ABHD2: variants seen among roughly 807,000 people sequenced by gnomAD.
ABHD2 encodes monoacylglycerol lipase ABHD2.
A neutral mutation model predicts 48.1 loss-of-function variants in ABHD2; 20 were observed. The ratio of observed to expected loss-of-function variants is 0.42; its 90% CI spans 0.29 to 0.60. ABHD2 has a LOEUF of 0.60. Among genes scored for constraint, ABHD2 ranks in the 20% least tolerant of loss-of-function variants. The pLI, the probability that ABHD2 is intolerant of heterozygous loss-of-function variation, is 0.24. For missense variants in ABHD2, 405 were observed against 550.9 expected, an observed-to-expected ratio of 0.74 and a Z score of 2.65; for synonymous variants, 209 against 214.2, an observed-to-expected ratio of 0.98 and a Z score of 0.21.
chr15:89,098,071 G>T (rs536071858), intron 1 of ABHD2, among the ~76,000 whole-genome samples: 1 of 151,860 alleles, frequency 6.6e-6, no homozygotes, highest in Non-Finnish European at 1.5e-5. Flanking sequence ...GTAGAGATGG[G>T]GTTTCACCAT....
chr15:89,082,282 G>T, the ABHD2 span, among the ~76,000 whole-genome samples: 7 of 152,312 alleles, frequency 4.6e-5, no homozygotes, highest in South Asian at 1.2e-3. The surrounding 1 kb of genome is among the most constrained non-coding windows in gnomAD (Gnocchi z 4.4). Flanking sequence ...TATCAATGTG[G>T]TTTGCAGATG....
chr15:89,121,140 A>T (rs890596776), intron 3 of ABHD2, among the ~76,000 whole-genome samples: 9 of 152,220 alleles, frequency 5.9e-5, no homozygotes, highest in African/African-American at 1.9e-4. Flanking sequence ...TGAAATTTGA[A>T]CTAGGATGCA....
intron 5 of ABHD2, among the ~76,000 whole-genome samples, chr15:89,162,763 G>GA (rs1168388227): frequency 6.6e-6 from 1 of 152,050 alleles, no homozygotes; most frequent in Non-Finnish European, 1.5e-5. Flanking sequence ...TGAAATTAAG[G>GA]ATTTGTTTTC....
chr15:89,142,283 G>C (rs539283229), intron 3 of ABHD2, among the ~76,000 whole-genome samples: 50 of 152,314 alleles, frequency 3.3e-4, no homozygotes, highest in African/African-American at 1.0e-3. Flanking sequence ...ATGAAGTGCT[G>C]TATAGATAAA....
In ABHD2 at chr15:89,092,014, G is replaced by C. The variant is rs1371903093; in HGVS notation, c.-107+3451G>C. ...GGACATTTTTAAGCCCTGTGCTGCTGTTTCTTTGTTGATACCATACAGATG... is the reference window on the plus strand; with the variant it reads ...GGACATTTTTAAGCCCTGTGCTGCTCTTTCTTTGTTGATACCATACAGATG... On this transcript the variant is annotated intron_variant, in intron 1 of 10. Coordinates refer to ENST00000352732, the MANE Select transcript of ABHD2 (RefSeq NM_152924.5). This position sits in a 1 kb window ranked among gnomAD's most constrained non-coding sequence, Gnocchi z 4.4. Among the ~76,000 whole-genome samples, 4 of 152,176 alleles carry C rather than the reference G, an allele frequency of 2.6e-5. No individual in the cohort carries two copies. The highest frequency in any genetic ancestry group is 5.9e-5 in the Non-Finnish European group (4 of 68,036).
chr15:89,165,034 A>C (rs1409026055), intron 5 of ABHD2, among the ~76,000 whole-genome samples: 1 of 152,252 alleles, frequency 6.6e-6, no homozygotes, highest in Non-Finnish European at 1.5e-5. Flanking sequence ...CGTGTTGAGC[A>C]TAAAATTCTT....
chr15:89,174,085 G>T lies in ABHD2; in HGVS notation c.539-1727G>T, dbSNP rs1215467663. Among the ~76,000 whole-genome samples, 1 of 151,882 alleles carries T rather than the reference G, an allele frequency of 6.6e-6. No homozygotes were observed. Among genetic ancestry groups the T allele is most frequent in the Admixed American group, 6.6e-5 (1 of 15,248 alleles). On this transcript the variant is annotated intron_variant, in intron 5 of 10. Transcript: ENST00000352732. The surrounding 1 kb of genome is among the most constrained non-coding windows in gnomAD (Gnocchi z 4.1). ...TCTTCATCTGGGCAATGCTTACCTG[G>T]GTATAAATGTGTAAAATTTCATTGA... is the stretch of plus-strand genomic sequence containing the variant.
At chr15:89,143,599 G>A (rs1339046194) in intron 3 of ABHD2, among the ~76,000 whole-genome samples, 21 of 151,990 alleles carry the variant, frequency 1.4e-4, no homozygotes, top group African/African-American at 3.9e-4. Flanking sequence ...CCCAGGAGGC[G>A]GAGGTTGCAG....
Position 89,195,514 on chromosome 15 carries a change from C to T in ABHD2, c.*91C>T. The stretch of plus-strand genomic sequence containing the variant: ...TCAGGTCTCCCATCTCCCTCAGTGA[C>T]CTGGATCTGACCTCACACCATCAGC... On this transcript the variant is annotated 3_prime_UTR_variant, in exon 11 of 11. Coordinates refer to ENST00000352732, the MANE Select transcript of ABHD2 (RefSeq NM_152924.5). This position sits in a 1 kb window ranked among gnomAD's most constrained non-coding sequence, Gnocchi z 5.1. 7.1e-7 allele frequency: 1 copy of T among 1,407,382 alleles called. No homozygotes were observed. Among genetic ancestry groups the T allele is most frequent in the Non-Finnish European group, 9.6e-7 (1 of 1,046,742 alleles). The allele number at this position is 1,407,382 out of a possible 1,614,324, so 87.2% of individuals were successfully genotyped here.
chr15:89,081,599 G>A, the ABHD2 span, among the ~76,000 whole-genome samples: 1 of 152,192 alleles, frequency 6.6e-6, no homozygotes, highest in African/African-American at 2.4e-5. Context: ...GGGTGCAGTG[G>A]CTCAAGCCTA....
At chr15:89,047,029 C>T in the ABHD2 span, among the ~76,000 whole-genome samples, 2 of 151,280 alleles carry the variant, frequency 1.3e-5, no homozygotes, top group Non-Finnish European at 2.9e-5. Flanking sequence ...CTCTTGTGGG[C>T]ATTTAGTGCT....
chr15:89,058,929 T>C, the ABHD2 span, among the ~76,000 whole-genome samples: 1 of 151,708 alleles, frequency 6.6e-6, no homozygotes, highest in Non-Finnish European at 1.5e-5. Context: ...GGATGGATAA[T>C]TCCTGCCTTA....
In ABHD2 at chr15:89,127,724, T is replaced by TATATATATATATATATATATATAC. The variant is rs1567080086; in HGVS notation, c.194+11219_194+11220insATATATACATATATATATATATAT. ...ATATATACATATATATATATACACA[T>TATATATATATATATATATATATAC]ATATATATATATATATGTATATTTT... On this transcript the variant is annotated intron_variant, in intron 3 of 10. Coordinates refer to ENST00000352732, the MANE Select transcript of ABHD2 (RefSeq NM_152924.5). 8.5e-4 allele frequency among the ~76,000 whole-genome samples: 60 copies of TATATATATATATATATATATATAC among 70,702 alleles called. 2 individuals carry two copies. Among genetic ancestry groups the TATATATATATATATATATATATAC allele is most frequent in the African/African-American group, 2.8e-3 (59 of 20,754 alleles). The allele number at this position is 70,702 out of a possible 152,430, so 46.4% of individuals were successfully genotyped here. A position where few individuals can be genotyped will look rare whatever the true frequency, so the allele number is the denominator to read the frequency against.
In ABHD2 at chr15:89,188,103, C is replaced by A; in HGVS notation, c.816-90C>A. 8.9e-7 allele frequency: 1 copy of A among 1,125,274 alleles called. No homozygotes were observed. Among genetic ancestry groups the A allele is most frequent in the South Asian group, 1.3e-5 (1 of 75,684 alleles). 69.7% of individuals were successfully genotyped at this position (1,125,274 alleles called of 1,614,324 possible). Reference sequence around the variant, plus strand: ...TTCTAACTGACCACGTTGGCTCTCCCTCCTGGCTTGCTGTGGCAAGGAAGC... The same window carrying A: ...TTCTAACTGACCACGTTGGCTCTCCATCCTGGCTTGCTGTGGCAAGGAAGC... On this transcript the variant is annotated intron_variant, in intron 7 of 10. Coordinates refer to ENST00000352732, the MANE Select transcript of ABHD2 (RefSeq NM_152924.5). This position sits in a 1 kb window ranked among gnomAD's most constrained non-coding sequence, Gnocchi z 4.1.
At chr15:89,081,485 G>A in the ABHD2 span, among the ~76,000 whole-genome samples, 7 of 152,036 alleles carry the variant, frequency 4.6e-5, no homozygotes, top group South Asian at 2.1e-4. Flanking sequence ...TAAATGCCAC[G>A]TCTGCATTGT....
rs573372900 is a variant in ABHD2, at chr15:89,116,421, T to A, written c.94T>A (p.Cys32Ser). The change falls in exon 3 of 11, where the codon TGT becomes AGT. Residue 32 changes from cysteine (C) to serine (S), a missense_variant. Cys to Ser is a moderately radical substitution (Grantham distance 112). Coordinates refer to ENST00000352732, the MANE Select transcript of ABHD2 (RefSeq NM_152924.5). The surrounding 1 kb of genome is among the most constrained non-coding windows in gnomAD (Gnocchi z 4.6). The stretch of plus-strand genomic sequence containing the variant: ...TGCTGTGCTGTACGTGATCGTCCGG[T>A]GTTTGAACCTGAAGAGCCCCACAGC... Reference protein sequence around the residue: ...VAAVLYVIVRCLNLKSPTAPP... With the variant: ...VAAVLYVIVRSLNLKSPTAPP... The A allele has an allele frequency of 1.9e-6, 3 of 1,614,198 alleles. No homozygotes were observed. The African/African-American group carries it at 4.0e-5, about 22-fold the overall frequency.
Position 89,145,782 on chromosome 15 carries a change from G to T in ABHD2, c.195-5895G>T, listed in dbSNP as rs374039888. On this transcript the variant is annotated intron_variant, in intron 3 of 10. Transcript: ENST00000352732. Reference sequence around the variant, plus strand: ...GGGACATTGACCTTTGAGTAGGGTGGGGGGACACTGGTACTAATGGTGTAA... The same window carrying T: ...GGGACATTGACCTTTGAGTAGGGTGTGGGGACACTGGTACTAATGGTGTAA... 5.9e-5 allele frequency among the ~76,000 whole-genome samples: 9 copies of T among 152,270 alleles called. No homozygotes were observed. The East Asian group carries it at 1.7e-3, about 29-fold the overall frequency.
intron 1 of ABHD2, among the ~76,000 whole-genome samples, chr15:89,105,304 C>G (rs1164765459): frequency 1.3e-5 from 2 of 152,318 alleles, no homozygotes; most frequent in Non-Finnish European, 2.9e-5. Flanking sequence ...AGTTTGGTAA[C>G]TTTCTTTGTG....
chr15:89,135,818 G>T, intron 3 of ABHD2: 2 of 770,016 alleles, frequency 2.6e-6, no homozygotes. Context: ...GGACAGGCCA[G>T]ATGTTCTCCT....
Sources: gnomAD v4.1 joint callset for allele counts (sites outside exome capture counted in the v4.1 genomes callset) on GRCh38, gnomAD v4.1.1 for gene constraint, Gnocchi (gnomAD v3.1) non-coding constraint, MANE v1.5 for transcripts, NCBI Gene and HGNC (gene_info 2026-07-23, HGNC 2026-07-21) for gene names.